NAV2: variants seen among roughly 807,000 people sequenced by gnomAD.
NAV2 encodes the protein helicase, APC down-regulated 1.
NAV2 carries 54 observed loss-of-function variants against 223.2 expected under a neutral mutation model. The ratio of observed to expected loss-of-function variants is 0.24; its 90% confidence interval spans 0.19 to 0.30. The LOEUF (loss-of-function observed/expected upper bound fraction) is 0.30, where lower values mean the gene tolerates loss of function less well. Among genes scored for constraint, NAV2 ranks in the 10% least tolerant of loss-of-function variants. NAV2 has a pLI of 1.00. For missense variants in NAV2, 2,806 were observed against 3,147.5 expected (o/e 0.89, Z 2.60); for synonymous variants, 1,279 against 1,239.3 (o/e 1.03, Z -0.67).
chr11:19,403,069 C>T (rs1849753783), intron 1 of NAV2, among the ~76,000 whole-genome samples: 1 of 152,174 alleles, frequency 6.6e-6, no homozygotes, highest in African/African-American at 2.4e-5. Context: ...TTTAACCTCT[C>T]TGTGATTCTG....
chr11:19,441,448 G>GCACACA (rs150858991), intron 1 of NAV2, among the ~76,000 whole-genome samples: 183 of 145,948 alleles, frequency 1.3e-3, no homozygotes, highest in African/African-American at 2.7e-3. Context: ...ACACACACAC[G>GCACACA]CACACACACA....
Position 20,048,795 on chromosome 11 carries a change from G to T in NAV2, c.3970G>T (p.Val1324Phe). Residue 1324 changes from valine (V) to phenylalanine (F), a missense_variant, in exon 15 of 38, where the codon GTC (valine) becomes TTC (phenylalanine). Val to Phe is a conservative substitution (Grantham distance 50, BLOSUM62 -1). Coordinates refer to ENST00000349880, the MANE Select transcript of NAV2 (RefSeq NM_145117.5). ...ATAENMKNSV[V>F]ISNPHATMTQ... ...AGCTGAAAACATGAAAAATTCGGTGGTCATCTCCAATCCTCATGCCACCAT... is the reference window on the plus strand; with the variant it reads ...AGCTGAAAACATGAAAAATTCGGTGTTCATCTCCAATCCTCATGCCACCAT... 3.1e-6 allele frequency: 5 copies of T among 1,614,104 alleles called. No homozygotes were observed. Among genetic ancestry groups the T allele is most frequent in the Non-Finnish European group, 4.2e-6 (5 of 1,180,010 alleles).
intron 1 of NAV2, among the ~76,000 whole-genome samples, chr11:19,756,385 G>A (rs1477122060): frequency 6.6e-6 from 1 of 152,142 alleles, no homozygotes; most frequent in African/African-American, 2.4e-5. Flanking sequence ...ATGAATTTTT[G>A]GCAAGACATT....
chr11:19,618,420 G>A (rs1344646946), intron 1 of NAV2, among the ~76,000 whole-genome samples: 9 of 148,360 alleles, frequency 6.1e-5, no homozygotes, highest in East Asian at 6.0e-4. Flanking sequence ...ATGGATGGAT[G>A]GATGGATGGA....
chr11:19,938,934 A>C (rs1000006959), intron 7 of NAV2, among the ~76,000 whole-genome samples: 4 of 152,242 alleles, frequency 2.6e-5, no homozygotes, highest in Non-Finnish European at 5.9e-5. Flanking sequence ...ATAATGTTAC[A>C]TGCAGGGTCA....
intron 1 of NAV2, among the ~76,000 whole-genome samples, chr11:19,422,848 A>G (rs1252225258): frequency 6.6e-6 from 1 of 152,170 alleles, no homozygotes; most frequent in Non-Finnish European, 1.5e-5. Flanking sequence ...CATTGATTCA[A>G]GAGGCATGTG....
intron 1 of NAV2, among the ~76,000 whole-genome samples, chr11:19,644,329 T>C (rs772759160): frequency 3.3e-5 from 5 of 152,220 alleles, no homozygotes; most frequent in Non-Finnish European, 7.3e-5. Context: ...AAAAGAAAAA[T>C]GTCTCTATTT....
At chr11:19,980,967 A>G (rs1041628125) in intron 10 of NAV2, among the ~76,000 whole-genome samples, 2 of 152,202 alleles carry the variant, frequency 1.3e-5, no homozygotes, top group African/African-American at 4.8e-5. Flanking sequence ...TGTTTAAAAA[A>G]CAGTTGAACA....
intron 6 of NAV2, among the ~76,000 whole-genome samples, chr11:19,901,166 G>A (rs185510647): frequency 6.6e-6 from 1 of 152,304 alleles, no homozygotes; most frequent in East Asian, 1.9e-4. Context: ...TAAAAGCCTA[G>A]AAGTTTACAT....
At chr11:19,817,741 T>A (rs2059166556) in intron 1 of NAV2, among the ~76,000 whole-genome samples, 1 of 152,202 alleles carries the variant, frequency 6.6e-6, no homozygotes, top group Non-Finnish European at 1.5e-5. Flanking sequence ...TCTACCCACT[T>A]GGCCCTGTAA....
rs571845339 is a variant in NAV2, at chr11:19,947,943, G to C, written c.2256-748G>C. The stretch of plus-strand genomic sequence containing the variant: ...AATGTGGTATTAGGAACTCCCGGTG[G>C]GTGGAGAATCCCACCCTTAGGAAAA... On this transcript the variant is annotated intron_variant, in intron 9 of 37. Transcript: ENST00000349880. Among the ~76,000 whole-genome samples the C allele has an allele frequency of 3.7e-4, 57 of 152,238 alleles. No individual in the cohort carries two copies. The South Asian group carries it at 0.011, about 31-fold the overall frequency.
chr11:19,780,769 G>A (rs1489130705), intron 1 of NAV2, among the ~76,000 whole-genome samples: 2 of 152,230 alleles, frequency 1.3e-5, no homozygotes, highest in Admixed American at 6.5e-5. Flanking sequence ...GATGACGGAC[G>A]AGATGAACCA....
At chr11:19,520,343 A>C (rs1245474609) in intron 1 of NAV2, among the ~76,000 whole-genome samples, 2 of 152,264 alleles carry the variant, frequency 1.3e-5, no homozygotes, top group Admixed American at 1.3e-4. Flanking sequence ...CTAGAAAAGT[A>C]TTAAATGACT....
intron 1 of NAV2, among the ~76,000 whole-genome samples, chr11:19,397,036 G>C (rs1849477360): frequency 6.6e-6 from 1 of 152,150 alleles, no homozygotes; most frequent in African/African-American, 2.4e-5. Flanking sequence ...CTCTGCCCTG[G>C]ATGAAGCTTG....
Position 19,713,787 on chromosome 11 carries a change from G to A in NAV2, c.92G>A (p.Arg31Gln), listed in dbSNP as rs1185479494. The A allele has an allele frequency of 5.6e-6, 9 of 1,612,688 alleles. No individual in the cohort carries two copies. Among genetic ancestry groups the A allele is most frequent in the South Asian group, 2.2e-5 (2 of 90,986 alleles). The change falls in exon 1 of 38, where the codon CGG becomes CAG. Residue 31 changes from arginine (R) to glutamine (Q), a missense_variant. Physicochemically the swap from Arg to Gln is conservative, Grantham distance 43. Coordinates refer to ENST00000349880, the MANE Select transcript of NAV2 (RefSeq NM_145117.5). The surrounding 1 kb of genome is among the most constrained non-coding windows in gnomAD (Gnocchi z 7.2). Reference protein sequence around the residue: ...AAPILHVPPARAGPQPCYLKL... With the variant: ...AAPILHVPPAQAGPQPCYLKL... The stretch of plus-strand genomic sequence containing the variant: ...CCCATCCTGCACGTGCCCCCGGCCC[G>A]GGCGGGCCCCCAGCCCTGCTACCTG...
At chr11:19,366,510 T>A (rs961636850) in intron 1 of NAV2, among the ~76,000 whole-genome samples, 1 of 152,098 alleles carries the variant, frequency 6.6e-6, no homozygotes, top group African/African-American at 2.4e-5. Context: ...TGTGGCTGGA[T>A]GAGTTGAAGA....
In NAV2 at chr11:20,103,654, C is replaced by T; in HGVS notation, c.6574C>T (p.Pro2192Ser). Residue 2192 changes from proline to serine, a missense_variant and splice_region_variant, in exon 34 of 38, where the codon CCT becomes TCT. Around this residue, in one of 4 missense-constraint regions of NAV2, gnomAD observed 824 missense variants for 1,069.4 expected, o/e 0.77. Coordinates refer to ENST00000349880, the MANE Select transcript of NAV2 (RefSeq NM_145117.5). Reference protein sequence around the residue: ...GLLNCKYHKCPYIIGTMNQAT... With the variant: ...GLLNCKYHKCSYIIGTMNQAT... ...TCTTTTCCTTTATTTTATCCGCAGC[C>T]CTTACATAATTGGCACAATGAACCA... 1.2e-6 allele frequency: 2 copies of T among 1,614,020 alleles called. No homozygotes were observed. Among genetic ancestry groups the T allele is most frequent in the Non-Finnish European group, 1.7e-6 (2 of 1,179,902 alleles).
At chr11:19,732,671 T>C (rs1244271937) in intron 1 of NAV2, among the ~76,000 whole-genome samples, 1 of 152,196 alleles carries the variant, frequency 6.6e-6, no homozygotes, top group Non-Finnish European at 1.5e-5. Flanking sequence ...ACTCTGCTTC[T>C]AGCTTTTGGT....
intron 1 of NAV2, among the ~76,000 whole-genome samples, chr11:19,533,927 C>G (rs554174323): frequency 7.4e-5 from 11 of 148,770 alleles, no homozygotes; most frequent in Non-Finnish European, 1.3e-4. Context: ...GGGATGGTCT[C>G]GATCTCCTGA....
Sources: gnomAD v4.1 joint callset for allele counts (sites outside exome capture counted in the v4.1 genomes callset) on GRCh38, gnomAD v4.1.1 for gene constraint, gnomAD v4.1.1 regional missense constraint, Gnocchi (gnomAD v3.1) non-coding constraint, MANE v1.5 for transcripts, NCBI Gene and HGNC (gene_info 2026-07-23, HGNC 2026-07-21) for gene names.